Variants in CCDC150 observed in about 807,000 individuals in gnomAD.
CCDC150 encodes coiled-coil domain containing 150, also known as coiled-coil domain-containing protein 150.
Under a neutral mutation model 156.5 loss-of-function variants are expected in CCDC150, and 151 were observed. The observed-to-expected ratio is 0.97, with a 90% CI of 0.85 to 1.10. The LOEUF (loss-of-function observed/expected upper bound fraction) is 1.10. Ranked by LOEUF, CCDC150 falls within the 50% of genes least tolerant of loss-of-function variation. The pLI, the probability that CCDC150 is intolerant of heterozygous loss-of-function variation, is 0.00. For synonymous variants in CCDC150, 452 were observed against 429.4 expected, an observed-to-expected ratio of 1.05 and a Z score of -0.65; for missense variants, 1,312 against 1,268.1, an observed-to-expected ratio of 1.03 and a Z score of -0.53.
At chr2:196,685,373 C>T (rs918861003) in intron 13 of CCDC150, among the ~76,000 whole-genome samples, 3 of 152,108 alleles carry the variant, frequency 2.0e-5, no homozygotes, top group South Asian at 2.1e-4. Context: ...TTTCTTACAG[C>T]GTATGCTTTC....
In CCDC150 at chr2:196,696,714, C is replaced by T. The variant is rs550836113; in HGVS notation, c.1623+1555C>T. Among the ~76,000 whole-genome samples the T allele has an allele frequency of 1.8e-3, 278 of 152,186 alleles. 1 individual carries two copies. The highest frequency in any genetic ancestry group is 3.1e-3 in the Non-Finnish European group (214 of 68,036). On this transcript the variant is annotated intron_variant, in intron 14 of 27. Coordinates refer to ENST00000389175, the MANE Select transcript of CCDC150 (RefSeq NM_001080539.2). ...TGGCTATATGAGTTTGAGGAATGAGCTAGGGATTTCAGGATTTGTTTTTAA... is the reference window on the plus strand; with the variant it reads ...TGGCTATATGAGTTTGAGGAATGAGTTAGGGATTTCAGGATTTGTTTTTAA...
At chr2:196,660,269 A>G (rs1693483883) in intron 5 of CCDC150, among the ~76,000 whole-genome samples, 1 of 152,196 alleles carries the variant, frequency 6.6e-6, no homozygotes, top group Admixed American at 6.5e-5. Flanking sequence ...GCTGCTATAA[A>G]CATTGTGTGC....
chr2:196,729,104 C>A, intron 22 of CCDC150, 89 bp from the exon 23 acceptor site: 2 of 1,161,598 alleles, frequency 1.7e-6, no homozygotes, highest in Non-Finnish European at 2.4e-6. Context: ...AAAAGAAGAT[C>A]CAAAGATGAT....
intron 1 of CCDC150, 84 bp from the exon 2 acceptor site, chr2:196,646,257 G>A (rs1692531301): frequency 7.8e-7 from 1 of 1,277,506 alleles, no homozygotes; most frequent in Non-Finnish European, 1.1e-6. Flanking sequence ...GGACAGTGAT[G>A]CCTAATCCTG....
At chr2:196,679,328 C>T (rs1339908980) in intron 13 of CCDC150, among the ~76,000 whole-genome samples, 1 of 152,144 alleles carries the variant, frequency 6.6e-6, no homozygotes, top group Non-Finnish European at 1.5e-5. Context: ...TGCCTTCTTC[C>T]ACCTCCTTCC....
At chr2:196,693,617 A>G (rs1018522245) in intron 13 of CCDC150, among the ~76,000 whole-genome samples, 8 of 152,032 alleles carry the variant, frequency 5.3e-5, no homozygotes, top group Non-Finnish European at 7.4e-5. Context: ...TCCTTTTCCA[A>G]TCTTAATGCC....
intron 8 of CCDC150, among the ~76,000 whole-genome samples, chr2:196,670,930 G>C (rs1694164555): frequency 6.6e-6 from 1 of 152,074 alleles, no homozygotes; most frequent in Non-Finnish European, 1.5e-5. Context: ...AATACCTTCT[G>C]CCCCTATTCA....
At chr2:196,694,456 T>C (rs1014202452) in intron 13 of CCDC150, among the ~76,000 whole-genome samples, 1 of 152,118 alleles carries the variant, frequency 6.6e-6, no homozygotes, top group Admixed American at 6.6e-5. Context: ...ATTTACGATA[T>C]CCCTTTTGCT....
intron 25 of CCDC150, among the ~76,000 whole-genome samples, 193 bp from the exon 26 acceptor site, chr2:196,730,666 C>G (rs187347324): frequency 6.6e-6 from 1 of 152,276 alleles, no homozygotes; most frequent in East Asian, 1.9e-4. Flanking sequence ...GTAATCATAT[C>G]CACATATGTA....
intron 5 of CCDC150, among the ~76,000 whole-genome samples, chr2:196,662,263 G>A (rs1693601109): frequency 6.6e-6 from 1 of 151,950 alleles, no homozygotes; most frequent in Admixed American, 6.6e-5. Flanking sequence ...ATTATAAAAT[G>A]GTCAATAGAT....
chr2:196,656,779 A>AAAGCCTCATGC lies in CCDC150; in HGVS notation c.325_335dup (p.Ser113AlafsTer6). On this transcript the variant is annotated frameshift_variant, in exon 3 of 28. Coordinates refer to ENST00000389175, the MANE Select transcript of CCDC150 (RefSeq NM_001080539.2). LOFTEE classifies it high-confidence loss of function. Reference sequence around the variant, plus strand: ...CTGGTAAATCGAATGTGCCGTCTTGAAAGCCTCATGCAGTCCTTGAAGATG... The same window carrying AAAGCCTCATGC: ...CTGGTAAATCGAATGTGCCGTCTTGAAAGCCTCATGCAAGCCTCATGCAGTCCTTGAAGATG... 6.2e-7 allele frequency: 1 copy of AAAGCCTCATGC among 1,613,938 alleles called. No homozygotes were observed. The highest frequency in any genetic ancestry group is 2.2e-5 in the East Asian group (1 of 44,878).
intron 13 of CCDC150, among the ~76,000 whole-genome samples, chr2:196,681,512 G>T (rs1694818026): frequency 6.6e-6 from 1 of 152,040 alleles, no homozygotes; most frequent in South Asian, 2.1e-4. Context: ...GAATTTCTGG[G>T]TCACATGGTA....
chr2:196,710,529 A>G (rs1344689002), intron 15 of CCDC150, among the ~76,000 whole-genome samples: 2 of 152,168 alleles, frequency 1.3e-5, no homozygotes, highest in Non-Finnish European at 2.9e-5. Context: ...ACCAGTCCCA[A>G]TGAGATGAAC....
rs777532030 is a variant in CCDC150, at chr2:196,730,839, T to C, written c.2983-20T>C. 1 of 1,557,072 alleles carries C rather than the reference T, an allele frequency of 6.4e-7. No homozygotes were observed. The highest frequency in any genetic ancestry group is 1.4e-5 in the African/African-American group (1 of 73,602). On this transcript the variant is annotated intron_variant, in intron 25 of 27. Transcript: ENST00000389175. ...ATGGTATGTTGGAAGTTTATAAAAA[T>C]CTTTGTATCACATTTTCAGGAATTG...
At chr2:196,729,422 C>A in intron 23 of CCDC150, 35 bp downstream of exon 23, 3 of 1,589,812 alleles carry the variant, frequency 1.9e-6, no homozygotes, top group Middle Eastern at 1.7e-4. Context: ...TTCCTGGATA[C>A]CCTGTGAGGA....
chr2:196,642,270 T>C (rs914075612), intron 1 of CCDC150, among the ~76,000 whole-genome samples: 3 of 152,196 alleles, frequency 2.0e-5, no homozygotes, highest in African/African-American at 4.8e-5. Flanking sequence ...AGAGGTAGAT[T>C]GTTTTCATGT....
rs577220786 is a variant in CCDC150 at position 196,712,340 on chromosome 2, A to G, written c.1803+88A>G. The G allele has an allele frequency of 3.1e-4, 223 of 711,634 alleles. 1 individual carries two copies. The highest frequency in any genetic ancestry group is 5.8e-5 in the Admixed American group (2 of 34,202). The allele number at this position is 711,634 out of a possible 1,614,324, so 44.1% of individuals were successfully genotyped here. ...GTCTTTTTCCCCACTTTACCACACAATCCCAGAAAGATAAATATGCTGTCA... is the reference window on the plus strand; with the variant it reads ...GTCTTTTTCCCCACTTTACCACACAGTCCCAGAAAGATAAATATGCTGTCA... On this transcript the variant is annotated intron_variant, in intron 16 of 27. Transcript: ENST00000389175.
intron 7 of CCDC150, among the ~76,000 whole-genome samples, chr2:196,668,859 C>T (rs189270168): frequency 2.6e-5 from 4 of 152,054 alleles, no homozygotes; most frequent in Admixed American, 2.0e-4. Flanking sequence ...ATTTTAAATT[C>T]GAGTTTATTC....
At chr2:196,692,121 A>ATT (rs1161513452) in intron 13 of CCDC150, among the ~76,000 whole-genome samples, 32 of 61,990 alleles carry the variant, frequency 5.2e-4, no homozygotes, top group African/African-American at 5.5e-4. Flanking sequence ...TTGAGATCTA[A>ATT]TTTTTTTTTT....
Sources: gnomAD v4.1 joint callset for allele counts (sites outside exome capture counted in the v4.1 genomes callset) on GRCh38, gnomAD v4.1.1 for gene constraint, MANE v1.5 for transcripts, NCBI Gene and HGNC (gene_info 2026-07-23, HGNC 2026-07-21) for gene names.